Variants in PSMA5 observed in about 807,000 individuals in gnomAD.
The protein encoded by PSMA5 is proteasome 20S subunit alpha 5.
PSMA5 carries 3 observed loss-of-function variants against 34.5 expected under a neutral mutation model. The ratio of observed to expected loss-of-function variants is 0.09; its 90% CI spans 0.04 to 0.22. PSMA5 has a LOEUF of 0.22. PSMA5 is among the 10% of genes least tolerant of loss of function. PSMA5 has a pLI of 1.00. For synonymous variants in PSMA5, 88 were observed against 95.8 expected, an observed-to-expected ratio of 0.92 and a Z score of 0.47; for missense variants, 120 against 286.1, an observed-to-expected ratio of 0.42 and a Z score of 4.19.
chr1:109,421,109 C>T (rs1399971885), intron 2 of PSMA5, among the ~76,000 whole-genome samples: 3 of 151,794 alleles, frequency 2.0e-5, no homozygotes, highest in African/African-American at 7.3e-5. Context: ...AAAGCTTGAG[C>T]CCAGGAGTTA....
rs1557835785 is a variant in PSMA5 at position 109,399,873 on chromosome 1, AT to A, written c.*2139del. 1 of 152,200 alleles carries A rather than the reference AT, an allele frequency of 6.6e-6. No homozygotes were observed. Among genetic ancestry groups the A allele is most frequent in the Non-Finnish European group, 1.5e-5 (1 of 68,040 alleles). 9.4% of individuals were successfully genotyped at this position (152,200 alleles called of 1,614,324 possible). Reference sequence around the variant, plus strand: ...TCCTTTGTGAGATACTGGACATAAGATTTCACCTTATTTGCAGGACTAAAGT... The same window carrying A: ...TCCTTTGTGAGATACTGGACATAAGATTCACCTTATTTGCAGGACTAAAGT... On this transcript the variant is annotated 3_prime_UTR_variant, in exon 9 of 9. Coordinates refer to ENST00000271308, the MANE Select transcript of PSMA5 (RefSeq NM_002790.4).
intron 8 of PSMA5, among the ~76,000 whole-genome samples, chr1:109,405,271 AT>A (rs1414776047): frequency 1.3e-5 from 2 of 152,138 alleles, no homozygotes; most frequent in African/African-American, 2.4e-5. Flanking sequence ...GTAAAATAAG[AT>A]TTTCGGAATA....
rs1450579773 is a variant in PSMA5, at chr1:109,400,896, G to A, written c.*1117C>T. The A allele has an allele frequency of 1.6e-4, 25 of 152,174 alleles. No homozygotes were observed. Among genetic ancestry groups the A allele is most frequent in the Non-Finnish European group, 1.5e-5 (1 of 68,030 alleles). The allele number at this position is 152,174 out of a possible 1,614,324, so 9.4% of individuals were successfully genotyped here. ...ATATGGATTAGCCATGTTGTGGACA[G>A]TGCAAGTACTTTTCAAATCTCCAGA... On this transcript the variant is annotated 3_prime_UTR_variant, in exon 9 of 9. Coordinates refer to ENST00000271308, the MANE Select transcript of PSMA5 (RefSeq NM_002790.4).
Position 109,401,013 on chromosome 1 carries a change from C to T in PSMA5, c.*1000G>A, listed in dbSNP as rs1008397049. 5.3e-5 allele frequency: 8 copies of T among 152,110 alleles called. No individual in the cohort carries two copies. The highest frequency in any genetic ancestry group is 1.9e-4 in the African/African-American group (8 of 41,432). 9.4% of individuals were successfully genotyped at this position (152,110 alleles called of 1,614,324 possible). The stretch of plus-strand genomic sequence containing the variant: ...TTAATTTTGTGTGTCCATGGGCACA[C>T]AGCATTAGATTCTTCATCTGTTAAG... On this transcript the variant is annotated 3_prime_UTR_variant, in exon 9 of 9. Transcript: ENST00000271308.
chr1:109,419,831 G>A (rs979910032), intron 2 of PSMA5, among the ~76,000 whole-genome samples: 23 of 144,340 alleles, frequency 1.6e-4, no homozygotes, highest in African/African-American at 5.6e-4. Context: ...AAAACAAGCC[G>A]CGCATGGTTG....
intron 7 of PSMA5, 21 bp downstream of exon 7, chr1:109,410,990 G>A (rs747096925): frequency 5.2e-6 from 8 of 1,530,718 alleles, no homozygotes; most frequent in Non-Finnish European, 6.3e-6. Flanking sequence ...AATAGTAAGA[G>A]TTGTGAGAAT....
At chr1:109,425,124 G>A (rs755324765) in intron 1 of PSMA5, among the ~76,000 whole-genome samples, 15 of 152,312 alleles carry the variant, frequency 9.8e-5, no homozygotes, top group Admixed American at 2.0e-4. Flanking sequence ...GTCCATTGCT[G>A]TAGCACCAGC....
chr1:109,417,893 C>CA (rs1384309084), intron 2 of PSMA5, among the ~76,000 whole-genome samples: 6 of 152,070 alleles, frequency 3.9e-5, no homozygotes, highest in African/African-American at 1.4e-4. Flanking sequence ...CTACTATGGG[C>CA]AAGGCATTTT....
At chr1:109,410,134 A>T (rs774041276) in intron 7 of PSMA5, 120 bp from the exon 8 acceptor site, 31 of 671,022 alleles carry the variant, frequency 4.6e-5, no homozygotes, top group Non-Finnish European at 7.9e-5. Context: ...CATCTTACTT[A>T]GTATGGTGCA....
At chr1:109,419,798 CAAAAA>C (rs57566863) in intron 2 of PSMA5, among the ~76,000 whole-genome samples, 1 of 31,018 alleles carries the variant, frequency 3.2e-5, no homozygotes, top group Non-Finnish European at 6.2e-5. Flanking sequence ...GACTCCGTCT[CAAAAA>C]AAAAAAAAAA....
chr1:109,415,482 G>T, intron 2 of PSMA5, 119 bp from the exon 3 acceptor site: 1 of 1,043,128 alleles, frequency 9.6e-7, no homozygotes, highest in Admixed American at 2.9e-5. Flanking sequence ...CATCTTATAG[G>T]CAGAGAGAAG....
chr1:109,423,298 G>A (rs771002964), intron 1 of PSMA5, among the ~76,000 whole-genome samples: 33 of 152,302 alleles, frequency 2.2e-4, no homozygotes, highest in Non-Finnish European at 3.2e-4. Flanking sequence ...AATTAGCTGG[G>A]CGTGGTGGCA....
chr1:109,413,534 G>C (rs10776807), intron 3 of PSMA5, among the ~76,000 whole-genome samples: 46 of 152,092 alleles, frequency 3.0e-4, no homozygotes, highest in African/African-American at 1.1e-3. Flanking sequence ...CTACAGTGGA[G>C]GACTCTCGAA....
intron 2 of PSMA5, among the ~76,000 whole-genome samples, chr1:109,415,909 G>T (rs1557843133): frequency 6.6e-6 from 1 of 152,064 alleles, no homozygotes; most frequent in African/African-American, 2.4e-5. Context: ...GGGACGAAAA[G>T]AACCACCACC....
chr1:109,414,480 T>C (rs539850441), intron 3 of PSMA5, among the ~76,000 whole-genome samples: 1 of 152,368 alleles, frequency 6.6e-6, no homozygotes, highest in South Asian at 2.1e-4. Flanking sequence ...GACTATGTCT[T>C]ATTCCTTTCT....
chr1:109,407,861 T>A (rs1336646361), intron 8 of PSMA5, among the ~76,000 whole-genome samples: 1 of 152,064 alleles, frequency 6.6e-6, no homozygotes, highest in Non-Finnish European at 1.5e-5. Flanking sequence ...GCCAGGCTAG[T>A]CTCGAACTTC....
intron 1 of PSMA5, chr1:109,426,100 G>C: frequency 1.5e-6 from 1 of 651,180 alleles, no homozygotes; most frequent in South Asian, 1.8e-5. Context: ...ACCCAGGGGT[G>C]ACTCAGCGGT....
chr1:109,402,700 T>TG (rs1300838101), intron 8 of PSMA5, among the ~76,000 whole-genome samples: 2 of 152,186 alleles, frequency 1.3e-5, no homozygotes. Flanking sequence ...AAAGTTTTTT[T>TG]TGTTTGTTTT....
intron 8 of PSMA5, among the ~76,000 whole-genome samples, chr1:109,403,024 A>G (rs1346233411): frequency 6.6e-6 from 1 of 152,170 alleles, no homozygotes; most frequent in Non-Finnish European, 1.5e-5. Context: ...TTTTTAAAAG[A>G]ACTGGCCAAG....
Sources: allele counts gnomAD v4.1 joint callset (sites outside exome capture counted in the v4.1 genomes callset), GRCh38; gene constraint gnomAD v4.1.1; transcripts MANE v1.5; gene names NCBI Gene and HGNC (gene_info 2026-07-23, HGNC 2026-07-21).